Variants in RND3 observed in about 807,000 individuals in gnomAD.
RND3 encodes the protein rho-related GTP-binding protein RhoE.
RND3 carries 8 observed loss-of-function variants against 26.5 expected under a neutral mutation model. The ratio of observed to expected loss-of-function variants is 0.30; its 90% CI spans 0.18 to 0.54. The LOEUF is 0.54. Ranked by LOEUF, RND3 falls within the 20% of genes least tolerant of loss-of-function variation. The pLI is 0.94. For synonymous variants in RND3, 113 were observed against 113.0 expected, an observed-to-expected ratio of 1.00 and a Z score of 0.00; for missense variants, 207 against 302.8, an observed-to-expected ratio of 0.68 and a Z score of 2.35.
chr2:150,486,616 CG>C lies in RND3; in HGVS notation c.238+77del, dbSNP rs1307494849. On this transcript the variant is annotated intron_variant, in intron 3 of 5. Transcript: ENST00000263895. The surrounding 1 kb of genome is among the most constrained non-coding windows in gnomAD (Gnocchi z 4.5). ...AGGGGCGCAGACGGCTTGTAGCGCG[CG>C]GTTTCCCGAGACCCGCCGCGCATCC... The C allele has an allele frequency of 3.0e-6, 3 of 1,007,740 alleles. No individual in the cohort carries two copies. Among genetic ancestry groups the C allele is most frequent in the Non-Finnish European group, 4.8e-6 (3 of 627,258 alleles). 62.4% of individuals were successfully genotyped at this position (1,007,740 alleles called of 1,614,324 possible). A position where few individuals can be genotyped will look rare whatever the true frequency, so the allele number is the denominator to read the frequency against.
intron 3 of RND3, chr2:150,485,163 T>A: frequency 6.6e-6 from 1 of 152,288 alleles, no homozygotes; most frequent in East Asian, 1.9e-4. Flanking sequence ...TCTGCTGCCC[T>A]TGGAACGGCT....
intron 2 of RND3, 72 bp downstream of exon 2, chr2:150,487,196 G>A (rs1686389437): frequency 2.7e-6 from 3 of 1,102,254 alleles, no homozygotes; most frequent in Non-Finnish European, 3.7e-6. Flanking sequence ...GGATGAAAGC[G>A]GGGAGGCCCA....
intron 4 of RND3, among the ~76,000 whole-genome samples, chr2:150,472,667 G>A (rs765665284): frequency 2.0e-5 from 3 of 152,228 alleles, no homozygotes; most frequent in Admixed American, 2.0e-4. Context: ...CTGAGATGGG[G>A]AAGTGGCGCC....
chr2:150,475,269 T>G (rs1214151756), intron 3 of RND3, among the ~76,000 whole-genome samples: 2 of 152,088 alleles, frequency 1.3e-5, no homozygotes, highest in African/African-American at 2.4e-5. Flanking sequence ...CTGGGTGAAG[T>G]AGGGAAGCAC....
chr2:150,480,395 T>C (rs1359667447), intron 3 of RND3, among the ~76,000 whole-genome samples: 6 of 152,182 alleles, frequency 3.9e-5, no homozygotes, highest in African/African-American at 1.4e-4. Context: ...GTGACCAATA[T>C]GTAGCAACTG....
chr2:150,486,616 C>G lies in RND3; in HGVS notation c.238+78G>C. The G allele has an allele frequency of 9.9e-7, 1 of 1,007,740 alleles. No individual in the cohort carries two copies. Among genetic ancestry groups the G allele is most frequent in the Admixed American group, 1.7e-5 (1 of 59,212 alleles). 62.4% of individuals were successfully genotyped at this position (1,007,740 alleles called of 1,614,324 possible). A position where few individuals can be genotyped will look rare whatever the true frequency, so the allele number is the denominator to read the frequency against. ...AGGGGCGCAGACGGCTTGTAGCGCG[C>G]GGTTTCCCGAGACCCGCCGCGCATC... On this transcript the variant is annotated intron_variant, in intron 3 of 5. Transcript: ENST00000263895. This position sits in a 1 kb window ranked among gnomAD's most constrained non-coding sequence, Gnocchi z 4.5.
rs920897116 is a variant in RND3 at position 150,468,445 on chromosome 2, G to C, written c.*1542C>G. The stretch of plus-strand genomic sequence containing the variant: ...GCATCAATCAAAGCATATTATGTTG[G>C]TAAAATGTCTGTATTTTATGGGAAA... On this transcript the variant is annotated 3_prime_UTR_variant, in exon 6 of 6. Coordinates refer to ENST00000263895, the MANE Select transcript of RND3 (RefSeq NM_005168.5). 1 of 152,602 alleles carries C rather than the reference G, an allele frequency of 6.6e-6. No individual in the cohort carries two copies. Among genetic ancestry groups the C allele is most frequent in the Non-Finnish European group, 1.5e-5 (1 of 68,030 alleles). The allele number at this position is 152,602 out of a possible 1,614,324, so 9.5% of individuals were successfully genotyped here.
Position 150,478,579 on chromosome 2 carries a change from C to CAAAAA in RND3, c.239-3600_239-3596dup, listed in dbSNP as rs1229770069. Among the ~76,000 whole-genome samples the CAAAAA allele has an allele frequency of 2.2e-3, 239 of 106,362 alleles. 2 individuals are homozygous for CAAAAA. Among genetic ancestry groups the CAAAAA allele is most frequent in the African/African-American group, 7.9e-3 (215 of 27,046 alleles). The allele number at this position is 106,362 out of a possible 152,430, so 69.8% of individuals were successfully genotyped here. On this transcript the variant is annotated intron_variant, in intron 3 of 5. Coordinates refer to ENST00000263895, the MANE Select transcript of RND3 (RefSeq NM_005168.5). ...TACAACACCCTGTGAAGCCAAACGG[C>CAAAAA]AAAAAAAAAAAAAAAAAATTAACTT... is the stretch of plus-strand genomic sequence containing the variant.
rs894409921 is a variant in RND3 at position 150,481,507 on chromosome 2, A to T, written c.238+5187T>A. Reference sequence around the variant, plus strand: ...TTTGTTAGTTTGGGAAAGCCTGAATATTTTAAATTTTATTGTCACTCATGT... The same window carrying T: ...TTTGTTAGTTTGGGAAAGCCTGAATTTTTTAAATTTTATTGTCACTCATGT... On this transcript the variant is annotated intron_variant, in intron 3 of 5. Transcript: ENST00000263895. 6.0e-4 allele frequency among the ~76,000 whole-genome samples: 92 copies of T among 152,236 alleles called. 1 individual carries two copies. The highest frequency in any genetic ancestry group is 1.5e-3 in the East Asian group (8 of 5,172).
intron 3 of RND3, among the ~76,000 whole-genome samples, chr2:150,480,414 T>A (rs1448901032): frequency 1.3e-5 from 2 of 152,140 alleles, no homozygotes; most frequent in Non-Finnish European, 2.9e-5. Flanking sequence ...TGAGAAGTCA[T>A]TTAAAGGACA....
intron 3 of RND3, among the ~76,000 whole-genome samples, chr2:150,478,578 G>GAAAAAAAAAAAAAAAA (rs752844515): frequency 4.0e-5 from 3 of 74,164 alleles, no homozygotes; most frequent in South Asian, 3.6e-4. Context: ...AAGCCAAACG[G>GAAAAAAAAAAAAAAAA]CAAAAAAAAA....
chr2:150,469,855 T>G lies in RND3; in HGVS notation c.*132A>C. 1.0e-6 allele frequency: 1 copy of G among 964,858 alleles called. No homozygotes were observed. 59.8% of individuals were successfully genotyped at this position (964,858 alleles called of 1,614,324 possible). On this transcript the variant is annotated 3_prime_UTR_variant, in exon 6 of 6. Transcript: ENST00000263895. ...AAGGTCAGGATTCCAAAAAGATGAG[T>G]ATCCTCTCAAACGCCTCCTAAGCCT...
intron 3 of RND3, among the ~76,000 whole-genome samples, chr2:150,484,448 C>T (rs902083049): frequency 6.6e-6 from 1 of 152,214 alleles, no homozygotes; most frequent in Non-Finnish European, 1.5e-5. Flanking sequence ...ACTCTTGAAG[C>T]TTGAGATAGG....
chr2:150,475,862 C>T (rs1470117486), intron 3 of RND3, among the ~76,000 whole-genome samples: 2 of 152,132 alleles, frequency 1.3e-5, no homozygotes, highest in African/African-American at 2.4e-5. Context: ...CCAGGGTACC[C>T]TAAAGGTTCA....
At chr2:150,482,759 T>C (rs895276251) in intron 3 of RND3, among the ~76,000 whole-genome samples, 1 of 152,032 alleles carries the variant, frequency 6.6e-6, no homozygotes, top group Non-Finnish European at 1.5e-5. Flanking sequence ...AGCTGTTTCC[T>C]ATCTGAAGAG....
chr2:150,484,188 T>C (rs528367362), intron 3 of RND3, among the ~76,000 whole-genome samples: 2 of 152,352 alleles, frequency 1.3e-5, no homozygotes, highest in East Asian at 3.9e-4. Context: ...TCAGATTTTA[T>C]TGGATAACTG....
rs978242755 is a variant in RND3 at position 150,470,177 on chromosome 2, G to C, written c.545C>G (p.Ser182Trp). The change falls in exon 6 of 6, where the codon TCG (serine) becomes TGG (tryptophan). Residue 182 changes from serine to tryptophan, a missense_variant. By Grantham distance (177) the Ser-to-Trp change is radical. Transcript: ENST00000263895. ...AAAAATGTCTCTGACGCTATTTTCC[G>C]ACTGTAAAGCTGAGCATTCGATATA... ...ATYIECSALQ[S>W]ENSVRDIFHV... 6.2e-7 allele frequency: 1 copy of C among 1,613,714 alleles called. No individual in the cohort carries two copies. Among genetic ancestry groups the C allele is most frequent in the African/African-American group, 1.3e-5 (1 of 74,852 alleles).
chr2:150,471,893 T>G, intron 4 of RND3, 132 bp from the exon 5 acceptor site: 1 of 725,594 alleles, frequency 1.4e-6, no homozygotes, highest in South Asian at 1.9e-5. Context: ...TCCCTTGAGA[T>G]GAAGAAGCAA....
At chr2:150,471,091 A>G (rs1205247052) in intron 5 of RND3, among the ~76,000 whole-genome samples, 1 of 152,208 alleles carries the variant, frequency 6.6e-6, no homozygotes, top group Non-Finnish European at 1.5e-5. Flanking sequence ...TGCTAATGAG[A>G]AATGGAAGAC....
Sources: gnomAD v4.1 joint callset for allele counts (sites outside exome capture counted in the v4.1 genomes callset) on GRCh38, gnomAD v4.1.1 for gene constraint, Gnocchi (gnomAD v3.1) non-coding constraint, MANE v1.5 for transcripts, NCBI Gene and HGNC (gene_info 2026-07-23, HGNC 2026-07-21) for gene names.